The following DMD variants were observed in gnomAD, a reference collection of about 807,000 sequenced individuals.
DMD encodes the protein mutant dystrophin.
DMD carries 63 observed loss-of-function variants against 330.1 expected under a neutral mutation model. The ratio of observed to expected loss-of-function variants is 0.19; its 90% CI spans 0.16 to 0.24. The LOEUF is 0.24. Ranked by LOEUF, DMD falls within the 10% of genes least tolerant of loss-of-function variation. The probability of loss-of-function intolerance (pLI) is 1.00; values close to 1 mark genes in which losing one functional copy is unlikely to be tolerated. For missense variants in DMD, 3,344 were observed against 2,684.1 expected, an observed-to-expected ratio of 1.25 and a Z score of -5.43; for synonymous variants, 1,223 against 959.8, an observed-to-expected ratio of 1.27 and a Z score of -5.07.
chrX:31,659,052 A>G (rs186189021), intron 53 of DMD, among the ~76,000 whole-genome samples: 13 of 112,072 alleles, frequency 1.2e-4, no homozygotes, highest in Non-Finnish European at 1.9e-5. Flanking sequence ...AAAAAAGTTA[A>G]CTTTCAAGTA....
intron 55 of DMD, among the ~76,000 whole-genome samples, chrX:31,524,759 A>T (rs2073120797): frequency 8.9e-6 from 1 of 111,991 alleles, no homozygotes; most frequent in African/African-American, 3.2e-5. Flanking sequence ...ACAAACGGAC[A>T]GGTGAAAGCT....
At chrX:32,561,356 TG>T (rs2050982165) in intron 16 of DMD, among the ~76,000 whole-genome samples, 1 of 111,061 alleles carries the variant, frequency 9.0e-6, no homozygotes, top group African/African-American at 3.3e-5. Flanking sequence ...AACTCCACAA[TG>T]AAATCACATT....
At chrX:33,077,589 T>C (rs745665018) in intron 1 of DMD, among the ~76,000 whole-genome samples, 32 of 111,882 alleles carry the variant, frequency 2.9e-4, no homozygotes, top group African/African-American at 1.0e-3. Flanking sequence ...TTGAGTGGAT[T>C]CATGCAGGCC....
chrX:32,954,665 A>C (rs2091462362), intron 2 of DMD, among the ~76,000 whole-genome samples: 1 of 109,597 alleles, frequency 9.1e-6, no homozygotes, highest in African/African-American at 3.3e-5. Flanking sequence ...ACCATCAGTT[A>C]TTTTTTTTTA....
intron 55 of DMD, among the ~76,000 whole-genome samples, chrX:31,574,146 G>T (rs12557210): frequency 0.071 from 5,316 of 75,336 alleles, 150 homozygotes; most frequent in Middle Eastern, 0.11. Context: ...TTTTTTTTTT[G>T]TTTTTTTTTT....
intron 50 of DMD, among the ~76,000 whole-genome samples, chrX:31,805,467 G>T (rs906353032): frequency 2.7e-5 from 3 of 111,422 alleles, no homozygotes; most frequent in African/African-American, 9.8e-5. Context: ...TATATTTAAG[G>T]GTACTTCAAT....
intron 2 of DMD, among the ~76,000 whole-genome samples, chrX:32,953,157 GA>G: frequency 9.5e-6 from 1 of 104,936 alleles, no homozygotes; most frequent in East Asian, 3.0e-4. Context: ...AAAAGAAGAA[GA>G]AAAGAAATTT....
chrX:31,339,454 T>C (rs1226246322), intron 61 of DMD, among the ~76,000 whole-genome samples: 1 of 112,112 alleles, frequency 8.9e-6, no homozygotes, highest in African/African-American at 3.2e-5. Context: ...ATGTGACTGC[T>C]GAAGAAACTG....
chrX:33,014,896 A>G (rs1047698037), intron 2 of DMD, among the ~76,000 whole-genome samples: 3 of 112,116 alleles, frequency 2.7e-5, no homozygotes, highest in Non-Finnish European at 5.6e-5. Context: ...TATAAGAAAA[A>G]TAAGACTCAG....
chrX:31,445,521 C>T (rs1000368170), intron 59 of DMD, among the ~76,000 whole-genome samples: 4 of 112,137 alleles, frequency 3.6e-5, no homozygotes, highest in East Asian at 2.8e-4. Flanking sequence ...GAAATGGATC[C>T]TTATTTTTTA....
At chrX:31,867,142 G>A (rs1453966771) in intron 48 of DMD, among the ~76,000 whole-genome samples, 1 of 104,715 alleles carries the variant, frequency 9.5e-6, no homozygotes, top group Non-Finnish European at 1.9e-5. Context: ...CAATTATTTC[G>A]GTCAAACTAA....
chrX:32,611,214 A>AC (rs397707509), intron 12 of DMD, among the ~76,000 whole-genome samples: 1 of 110,227 alleles, frequency 9.1e-6, no homozygotes, highest in Non-Finnish European at 1.9e-5. Context: ...TAAAAAAAAA[A>AC]TCTGTCAAAT....
rs200988313 is a variant in DMD, at chrX:32,441,161, G to C, written c.3921+19C>G. ...TACTGCATATAAATTATCATCATTT[G>C]GCTTAATTTACAACTTACATCTAGC... On this transcript the variant is annotated intron_variant, in intron 28 of 78. Transcript: ENST00000357033. The C allele has an allele frequency of 8.3e-7, 1 of 1,200,697 alleles. No individual in the cohort carries two copies. Among genetic ancestry groups the C allele is most frequent in the Admixed American group, 2.2e-5 (1 of 45,442 alleles).
chrX:32,529,965 T>C (rs1304348639), intron 17 of DMD, among the ~76,000 whole-genome samples: 1 of 111,300 alleles, frequency 9.0e-6, no homozygotes, highest in African/African-American at 3.3e-5. Flanking sequence ...TTTAAGCACA[T>C]CACTCATAAA....
intron 43 of DMD, among the ~76,000 whole-genome samples, chrX:32,239,513 A>G (rs1216656448): frequency 2.7e-5 from 3 of 111,772 alleles, no homozygotes; most frequent in Non-Finnish European, 5.6e-5. Flanking sequence ...ACTGACTTAC[A>G]TACATTGATA....
intron 1 of DMD, among the ~76,000 whole-genome samples, chrX:33,294,808 C>A (rs2053562063): frequency 9.1e-6 from 1 of 110,130 alleles, no homozygotes; most frequent in African/African-American, 3.3e-5. Flanking sequence ...AAGACTAGCT[C>A]TTATTACCCT....
intron 44 of DMD, among the ~76,000 whole-genome samples, chrX:31,979,106 G>A (rs192975305): frequency 1.8e-5 from 2 of 111,851 alleles, no homozygotes; most frequent in African/African-American, 3.3e-5. Context: ...GCAAGTTTGA[G>A]TGCAGTGGTA....
At chrX:31,547,671 C>T (rs1323598187) in intron 55 of DMD, among the ~76,000 whole-genome samples, 1 of 111,787 alleles carries the variant, frequency 8.9e-6, no homozygotes, top group African/African-American at 3.3e-5. Flanking sequence ...GCATACTGGG[C>T]ATGCTGTGGA....
intron 2 of DMD, among the ~76,000 whole-genome samples, chrX:32,981,460 G>A (rs1253495412): frequency 9.0e-6 from 1 of 111,593 alleles, no homozygotes; most frequent in African/African-American, 3.3e-5. Flanking sequence ...CTCTAAATAA[G>A]GTTTAGGTAT....
Sources: allele counts gnomAD v4.1 joint callset (sites outside exome capture counted in the v4.1 genomes callset), GRCh38; gene constraint gnomAD v4.1.1; transcripts MANE v1.5; gene names NCBI Gene and HGNC (gene_info 2026-07-23, HGNC 2026-07-21).